Variants in FCRLB observed in about 807,000 individuals in gnomAD.
FCRLB encodes the protein Fc receptor-like B.
FCRLB carries 34 observed loss-of-function variants against 33.6 expected under a neutral mutation model. The ratio of observed to expected loss-of-function variants is 1.01; its 90% CI spans 0.77 to 1.35. The LOEUF is 1.35. Among genes scored for constraint, FCRLB ranks in the 40% most tolerant of loss-of-function variants. FCRLB has a pLI of 0.00. For missense variants in FCRLB, 560 were observed against 580.2 expected, an observed-to-expected ratio of 0.97 and a Z score of 0.36; for synonymous variants, 280 against 255.9, an observed-to-expected ratio of 1.09 and a Z score of -0.90.
At chr1:161,722,616 C>A in intron 2 of FCRLB, 37 bp from the exon 3 acceptor site, 1 of 1,604,242 alleles carries the variant, frequency 6.2e-7, no homozygotes, top group South Asian at 1.1e-5. Context: ...TCTCTCTGTT[C>A]CCCATCTCAT....
intron 5 of FCRLB, among the ~76,000 whole-genome samples, chr1:161,724,467 G>C (rs930794753): frequency 4.0e-5 from 6 of 151,632 alleles, no homozygotes; most frequent in African/African-American, 1.5e-4. Flanking sequence ...CATGATAGCG[G>C]GTGCCTGTAG....
intron 7 of FCRLB, 89 bp from the exon 8 acceptor site, chr1:161,727,158 T>TC: frequency 1.7e-5 from 12 of 700,418 alleles, no homozygotes; most frequent in East Asian, 6.5e-5. Flanking sequence ...GCCTTCCCCA[T>TC]CCCCGCCCAC....
rs116660748 is a variant in FCRLB, at chr1:161,723,020, T to C, written c.52+11T>C. The C allele has an allele frequency of 2.3e-3, 3,775 of 1,613,948 alleles. 91 individuals carry two copies. The African/African-American group carries it at 0.044, about 19-fold the overall frequency. On this transcript the variant is annotated intron_variant, in intron 4 of 7. Coordinates refer to ENST00000367948, the Ensembl canonical transcript of FCRLB. Reference sequence around the variant, plus strand: ...GCAGTGGGCAAGCTGGTGAGTCTTATAAATTTCTCATCCCAATTTTCTACA... The same window carrying C: ...GCAGTGGGCAAGCTGGTGAGTCTTACAAATTTCTCATCCCAATTTTCTACA...
chr1:161,723,380 G>A (rs1446780545), exon 5 of FCRLB: 1 of 1,614,022 alleles, frequency 6.2e-7, no homozygotes, highest in East Asian at 2.2e-5. Context: ...CTCTGGAGAA[G>A]CCCATATTGT....
At chr1:161,725,704 A>C (rs1025177760) in intron 5 of FCRLB, 117 bp from the exon 6 acceptor site, 2 of 1,212,908 alleles carry the variant, frequency 1.6e-6, no homozygotes, top group African/African-American at 3.1e-5. Flanking sequence ...GCGGTGGGAG[A>C]TGGCGGGGAA....
At position 161,726,535 on chromosome 1, in the gene FCRLB, CT is replaced by C. The variant is rs780472948; in HGVS notation, c.575-167del. 3.0e-6 allele frequency: 3 copies of C among 991,066 alleles called. No individual in the cohort carries two copies. Among genetic ancestry groups the C allele is most frequent in the Non-Finnish European group, 4.6e-6 (3 of 649,564 alleles). The allele number at this position is 991,066 out of a possible 1,614,324, so 61.4% of individuals were successfully genotyped here. On this transcript the variant is annotated intron_variant, in intron 6 of 7. Coordinates refer to ENST00000367948, the Ensembl canonical transcript of FCRLB. This position sits in a 1 kb window ranked among gnomAD's most constrained non-coding sequence, Gnocchi z 5.2. Reference sequence around the variant, plus strand: ...CCCGTCCCTCGTGGACTCGGTCCCCCTGCCCCACATTTCAGAAGGCTCCCCT... The same window carrying C: ...CCCGTCCCTCGTGGACTCGGTCCCCCGCCCCACATTTCAGAAGGCTCCCCT...
chr1:161,722,692 T>A, exon 3 of FCRLB: 1 of 1,614,118 alleles, frequency 6.2e-7, no homozygotes, highest in Non-Finnish European at 8.5e-7. Context: ...CTGACAGCCC[T>A]TCTGCTCCTG....
chr1:161,723,062 C>T (rs1683424778), intron 4 of FCRLB, 53 bp downstream of exon 4: 1 of 1,604,828 alleles, frequency 6.2e-7, no homozygotes, highest in East Asian at 2.2e-5. Flanking sequence ...ACTCCAACCC[C>T]CTAAGTGACC....
At position 161,726,889 on chromosome 1, in the gene FCRLB, TC is replaced by T. The variant is rs1223844648; in HGVS notation, c.764del (p.Pro255ArgfsTer113). 6.3e-7 allele frequency: 1 copy of T among 1,585,848 alleles called. No homozygotes were observed. Among genetic ancestry groups the T allele is most frequent in the Admixed American group, 1.7e-5 (1 of 57,162 alleles). ...TTCGACTGGGGCGCCGAGTACACAGTCCCGGAGCCCGAGGTCGAGGAGCTCG... is the reference window on the plus strand; with the variant it reads ...TTCGACTGGGGCGCCGAGTACACAGTCCGGAGCCCGAGGTCGAGGAGCTCG... On this transcript the variant is annotated frameshift_variant, in exon 7 of 8. Transcript: ENST00000367948. LOFTEE classifies it high-confidence loss of function. This position sits in a 1 kb window ranked among gnomAD's most constrained non-coding sequence, Gnocchi z 5.2.
intron 2 of FCRLB, 100 bp downstream of exon 2, chr1:161,721,950 G>C (rs1460874395): frequency 6.6e-6 from 1 of 152,222 alleles, no homozygotes; most frequent in Non-Finnish European, 1.5e-5. Flanking sequence ...CACAGGATGA[G>C]CTCATTGGGA....
rs753229720 is a variant in FCRLB, at chr1:161,727,220, G to T, written c.866-27G>T. 5.5e-6 allele frequency: 8 copies of T among 1,442,968 alleles called. No homozygotes were observed. In the Admixed American group the frequency reaches 8.0e-5, roughly 14 times the overall value. 89.4% of individuals were successfully genotyped at this position (1,442,968 alleles called of 1,614,324 possible). On this transcript the variant is annotated intron_variant, in intron 7 of 7. Transcript: ENST00000367948. ...CGCCGAGAAGAACCATGCAAGCCGC[G>T]CGTGACTGGGCGTAATGCATTCACA... is the stretch of plus-strand genomic sequence containing the variant.
chr1:161,727,022 C>T (rs754085440), intron 7 of FCRLB, 29 bp downstream of exon 7: 7 of 1,472,676 alleles, frequency 4.8e-6, no homozygotes, highest in Non-Finnish European at 6.3e-6. Context: ...TCCCGGACGC[C>T]GACCCTGGCG....
At chr1:161,725,915 G>A (rs764465839) in exon 6 of FCRLB, 8 of 1,614,128 alleles carry the variant, frequency 5.0e-6, no homozygotes, top group Non-Finnish European at 5.9e-6. Flanking sequence ...TGGTCTACAA[G>A]CTTCACTACT....
intron 7 of FCRLB, 116 bp downstream of exon 7, chr1:161,727,109 C>A: frequency 7.5e-7 from 1 of 1,336,672 alleles, no homozygotes; most frequent in South Asian, 1.6e-5. Context: ...CCGCCTTTCC[C>A]ATCTCCCCTT....
At position 161,726,907 on chromosome 1, in the gene FCRLB, A is replaced by G. The variant is rs995992597; in HGVS notation, c.779A>G (p.Glu260Gly). Residue 260 changes from glutamate to glycine, a missense_variant, in exon 7 of 8, where the codon GAG becomes GGG. Transcript: ENST00000367948. This position sits in a 1 kb window ranked among gnomAD's most constrained non-coding sequence, Gnocchi z 5.2. ...TACACAGTCCCGGAGCCCGAGGTCG[A>G]GGAGCTCGAATCGTACTGGTGCGAG... The G allele has an allele frequency of 6.9e-6, 11 of 1,589,486 alleles. No homozygotes were observed. The African/African-American group carries it at 1.4e-4, about 20-fold the overall frequency.
intron 5 of FCRLB, 58 bp from the exon 6 acceptor site, chr1:161,725,763 G>A: frequency 1.2e-5 from 18 of 1,537,042 alleles, no homozygotes; most frequent in Non-Finnish European, 1.6e-5. Context: ...GTGAGAGTGG[G>A]AGATCTCCAG....
intron 5 of FCRLB, among the ~76,000 whole-genome samples, chr1:161,724,150 A>T (rs558516628): frequency 1.3e-5 from 2 of 152,358 alleles, no homozygotes; most frequent in East Asian, 3.9e-4. Context: ...TGCTAAAGAA[A>T]AAAAGCAGCA....
At chr1:161,727,590 A>G (rs1293848866) in exon 8 of FCRLB, 1 of 1,613,752 alleles carries the variant, frequency 6.2e-7, no homozygotes, top group Admixed American at 1.7e-5. Flanking sequence ...AGCTCAGGGG[A>G]ACGCCCGAGA....
intron 5 of FCRLB, among the ~76,000 whole-genome samples, chr1:161,724,620 C>T (rs1353242450): frequency 6.6e-6 from 1 of 152,112 alleles, no homozygotes; most frequent in African/African-American, 2.4e-5. Flanking sequence ...TTAGCACTTA[C>T]ACACACTTCA....
Sources: allele counts gnomAD v4.1 joint callset (sites outside exome capture counted in the v4.1 genomes callset), GRCh38; gene constraint gnomAD v4.1.1; non-coding constraint Gnocchi (gnomAD v3.1); transcripts MANE v1.5; gene names NCBI Gene and HGNC (gene_info 2026-07-23, HGNC 2026-07-21).